Variants in SPAG9 observed in about 807,000 individuals in gnomAD.
SPAG9 encodes the protein sperm associated antigen 9.
In SPAG9, 35 loss-of-function variants were observed where a neutral mutation model predicts 166.5. That is an observed-to-expected ratio of 0.21 (90% confidence interval 0.16 to 0.28). The LOEUF (loss-of-function observed/expected upper bound fraction) is 0.28. SPAG9 is among the 10% of genes least tolerant of loss of function. The pLI, the probability that SPAG9 is intolerant of heterozygous loss-of-function variation, is 1.00. For synonymous variants in SPAG9, 534 were observed against 565.5 expected (o/e 0.94, Z 0.79); for missense variants, 1,235 against 1,603.3 (o/e 0.77, Z 3.92).
intron 6 of SPAG9, among the ~76,000 whole-genome samples, chr17:51,021,581 T>A (rs1935570487): frequency 6.6e-6 from 1 of 152,180 alleles, no homozygotes; most frequent in Non-Finnish European, 1.5e-5. Context: ...CAAATGATAT[T>A]TTTCTAAACA....
intron 15 of SPAG9, among the ~76,000 whole-genome samples, chr17:50,997,840 G>C (rs2044744425): frequency 6.6e-6 from 1 of 151,794 alleles, no homozygotes; most frequent in African/African-American, 2.4e-5. Flanking sequence ...TTAGGATAAA[G>C]GCTCATTTAC....
intron 1 of SPAG9, among the ~76,000 whole-genome samples, chr17:51,109,930 T>C (rs1175621220): frequency 6.6e-6 from 1 of 152,024 alleles, no homozygotes; most frequent in Non-Finnish European, 1.5e-5. Context: ...CAGGCTGATC[T>C]TCAACTCATG....
At chr17:51,099,302 G>A (rs939300629) in intron 1 of SPAG9, among the ~76,000 whole-genome samples, 20 of 150,716 alleles carry the variant, frequency 1.3e-4, no homozygotes, top group Admixed American at 5.3e-4. Context: ...GCGTGGTGGC[G>A]CATTCCTATA....
At chr17:51,067,239 C>G (rs1353761662) in intron 2 of SPAG9, among the ~76,000 whole-genome samples, 3 of 152,076 alleles carry the variant, frequency 2.0e-5, no homozygotes, top group African/African-American at 7.2e-5. Flanking sequence ...ACAACATATC[C>G]AATGAACTCA....
intron 8 of SPAG9, among the ~76,000 whole-genome samples, chr17:51,015,794 T>C (rs750204918): frequency 7.5e-5 from 11 of 145,878 alleles, no homozygotes; most frequent in Admixed American, 1.4e-4. Flanking sequence ...GGGGAGAAAA[T>C]AAATTATGAC....
chr17:51,073,151 C>T (rs576995565), intron 2 of SPAG9, among the ~76,000 whole-genome samples: 458 of 152,216 alleles, frequency 3.0e-3, no homozygotes, highest in African/African-American at 0.011. Flanking sequence ...CACGGTGAAA[C>T]CCCATCTCTA....
Position 50,966,325 on chromosome 17 carries a change from T to C in SPAG9, c.3913A>G (p.Lys1305Glu), listed in dbSNP as rs1973360864. 2 of 1,614,040 alleles carry C rather than the reference T, an allele frequency of 1.2e-6. No homozygotes were observed. The highest frequency in any genetic ancestry group is 1.7e-6 in the Non-Finnish European group (2 of 1,180,004). Reference sequence around the variant, plus strand: ...ACTATCAAGTGACTCCTTTCTGCTTTGGTGACAGAAGGTTCAAGTGGAAGA... The same window carrying C: ...ACTATCAAGTGACTCCTTTCTGCTTCGGTGACAGAAGGTTCAAGTGGAAGA... Reference protein sequence around the residue: ...EDLPLEPSVTKAERSHLIVWQ... With the variant: ...EDLPLEPSVTEAERSHLIVWQ... Residue 1305 changes from lysine (K) to glutamate (E), a missense_variant, in exon 30 of 30, where the codon AAA becomes GAA. Physicochemically the swap from Lys to Glu is moderately conservative, Grantham distance 56 (BLOSUM62 1). This residue lies in a region of SPAG9 where 243 missense variants were observed against 358.6 expected (regional missense o/e 0.68). Transcript: ENST00000262013.
chr17:51,102,387 G>C (rs1334519546), intron 1 of SPAG9, among the ~76,000 whole-genome samples: 2 of 147,894 alleles, frequency 1.4e-5, no homozygotes, highest in South Asian at 2.1e-4. Context: ...CTGGGTGACA[G>C]TGTGAGACTC....
At chr17:51,091,459 C>T (rs1430791468) in intron 1 of SPAG9, among the ~76,000 whole-genome samples, 1 of 151,920 alleles carries the variant, frequency 6.6e-6, no homozygotes, top group Admixed American at 6.6e-5. Flanking sequence ...GCAGGAGAAG[C>T]GCAGCAGTTT....
intron 5 of SPAG9, among the ~76,000 whole-genome samples, chr17:51,037,418 GC>G (rs1464491369): frequency 2.0e-5 from 3 of 151,844 alleles, no homozygotes; most frequent in Non-Finnish European, 1.5e-5. Context: ...GAGGTCAAGA[GC>G]CTGGCCAACA....
intron 1 of SPAG9, among the ~76,000 whole-genome samples, chr17:51,106,331 A>G (rs2048949763): frequency 6.6e-6 from 1 of 152,140 alleles, no homozygotes; most frequent in Admixed American, 6.6e-5. Context: ...AAAATTTAAA[A>G]AAATTTTTAA....
Position 50,998,718 on chromosome 17 carries a change from C to T in SPAG9, c.1665-101G>A, listed in dbSNP as rs536431594. On this transcript the variant is annotated intron_variant, in intron 14 of 29. Transcript: ENST00000262013. ...TGAAGAAAATTTCAGAGTACTTTTA[C>T]AAGGCAATGAGTTAGAAATTGGCAA... is the stretch of plus-strand genomic sequence containing the variant. The T allele has an allele frequency of 1.1e-5, 13 of 1,158,528 alleles. No individual in the cohort carries two copies. The African/African-American group carries it at 1.5e-4, about 14-fold the overall frequency. The allele number at this position is 1,158,528 out of a possible 1,614,324, so 71.8% of individuals were successfully genotyped here. A position where few individuals can be genotyped will look rare whatever the true frequency, so the allele number is the denominator to read the frequency against.
At chr17:50,968,559 C>A (rs1425729238) in intron 29 of SPAG9, among the ~76,000 whole-genome samples, 3 of 151,944 alleles carry the variant, frequency 2.0e-5, no homozygotes, top group African/African-American at 7.2e-5. Flanking sequence ...GGTGAAACCC[C>A]GTCTCTACTA....
intron 22 of SPAG9, among the ~76,000 whole-genome samples, chr17:50,986,870 T>A (rs1254460095): frequency 6.6e-6 from 1 of 152,162 alleles, no homozygotes; most frequent in Non-Finnish European, 1.5e-5. Flanking sequence ...ACATACCTCT[T>A]CTTCCAAGAA....
intron 6 of SPAG9, among the ~76,000 whole-genome samples, chr17:51,026,994 G>A (rs1043565625): frequency 6.6e-6 from 1 of 152,104 alleles, no homozygotes; most frequent in South Asian, 2.1e-4. Context: ...ATTTTTGAAA[G>A]AGGTCTTTCT....
intron 1 of SPAG9, among the ~76,000 whole-genome samples, chr17:51,095,974 G>T (rs1568083813): frequency 2.4e-5 from 2 of 84,570 alleles, no homozygotes; most frequent in African/African-American, 8.9e-5. Context: ...TATATATAGT[G>T]ATATATATAT....
chr17:51,107,868 T>C (rs1025211823), intron 1 of SPAG9, among the ~76,000 whole-genome samples: 9 of 150,950 alleles, frequency 6.0e-5, no homozygotes, highest in East Asian at 1.9e-4. Context: ...TGAGCTCTGA[T>C]TGCAACACTG....
At chr17:50,978,280 C>G (rs1444551658) in intron 26 of SPAG9, among the ~76,000 whole-genome samples, 1 of 152,162 alleles carries the variant, frequency 6.6e-6, no homozygotes, top group Non-Finnish European at 1.5e-5. Context: ...AACCTAGGAA[C>G]CTTTAACCTC....
intron 8 of SPAG9, 128 bp downstream of exon 8, chr17:51,020,031 T>G (rs1042408018): frequency 1.6e-6 from 1 of 624,112 alleles, no homozygotes. Context: ...GAATAGGAAT[T>G]AGAATATAAT....
Sources: gnomAD v4.1 joint callset for allele counts (sites outside exome capture counted in the v4.1 genomes callset) on GRCh38, gnomAD v4.1.1 for gene constraint, gnomAD v4.1.1 regional missense constraint, MANE v1.5 for transcripts, NCBI Gene and HGNC (gene_info 2026-07-23, HGNC 2026-07-21) for gene names.